TENM1: variants seen among roughly 807,000 people sequenced by gnomAD.
TENM1 encodes the protein teneurin transmembrane protein 1.
A neutral mutation model predicts 174.8 loss-of-function variants in TENM1; 35 were observed. The ratio of observed to expected loss-of-function variants is 0.20; its 90% CI spans 0.15 to 0.27. TENM1 has a LOEUF of 0.27. Among genes scored for constraint, TENM1 ranks in the 10% least tolerant of loss-of-function variants. TENM1 has a pLI of 1.00. For synonymous variants in TENM1, 781 were observed against 798.7 expected (o/e 0.98, Z 0.37); for missense variants, 1,633 against 2,130.1 (o/e 0.77, Z 4.59).
intron 1 of TENM1, among the ~76,000 whole-genome samples, chrX:124,918,327 G>A (rs1236971844): frequency 9.1e-6 from 1 of 110,039 alleles, no homozygotes; most frequent in Non-Finnish European, 1.9e-5. Flanking sequence ...CTACAGGCGC[G>A]TGCCACCACG....
the TENM1 span, among the ~76,000 whole-genome samples, chrX:125,065,024 T>C: frequency 1.8e-5 from 2 of 112,087 alleles, no homozygotes; most frequent in East Asian, 2.8e-4. Flanking sequence ...ACAGTAGAAA[T>C]TGAAAACAAG....
rs2060172390 is a variant in TENM1 at position 124,382,653 on chromosome X, A to T, written c.7440+17T>A. 8 of 1,201,719 alleles carry T rather than the reference A, an allele frequency of 6.7e-6. No homozygotes were observed. The highest frequency in any genetic ancestry group is 9.0e-6 in the Non-Finnish European group (8 of 890,752). On this transcript the variant is annotated intron_variant, in intron 31 of 31. Coordinates refer to ENST00000422452, the Ensembl canonical transcript of TENM1. ...CTGTTGTTTCAGCTAAAAGGAGGTG[A>T]TAAAACTTTTACTAACCTTTCCAGG...
At chrX:124,653,249 T>G (rs2051355874) in intron 7 of TENM1, among the ~76,000 whole-genome samples, 1 of 111,661 alleles carries the variant, frequency 9.0e-6, no homozygotes, top group Non-Finnish European at 1.9e-5. Context: ...GGGACACAGA[T>G]GTATGAAATC....
the TENM1 span, among the ~76,000 whole-genome samples, chrX:125,163,174 A>C: frequency 9.0e-6 from 1 of 111,350 alleles, no homozygotes; most frequent in Non-Finnish European, 1.9e-5. Context: ...ACAGAACTCA[A>C]TAGTAGCAGT....
At chrX:124,802,718 G>A (rs1180805510) in intron 3 of TENM1, among the ~76,000 whole-genome samples, 1 of 112,013 alleles carries the variant, frequency 8.9e-6, no homozygotes, top group Non-Finnish European at 1.9e-5. Flanking sequence ...GCCTCTGATT[G>A]CTGCTGGTTT....
At chrX:124,444,868 G>A (rs1403518254) in intron 23 of TENM1, among the ~76,000 whole-genome samples, 1 of 111,250 alleles carries the variant, frequency 9.0e-6, no homozygotes, top group Non-Finnish European at 1.9e-5. Context: ...AGGCATGAAA[G>A]AGTTGTTTTC....
the TENM1 span, among the ~76,000 whole-genome samples, chrX:125,172,332 T>C: frequency 9.2e-6 from 1 of 108,608 alleles, no homozygotes; most frequent in African/African-American, 3.4e-5. Context: ...CCCCCCCCCA[T>C]TTTAAACGAG....
At chrX:125,031,175 T>C in the TENM1 span, among the ~76,000 whole-genome samples, 3 of 110,688 alleles carry the variant, frequency 2.7e-5, no homozygotes, top group South Asian at 1.2e-3. Flanking sequence ...GAGTATCTGA[T>C]GTTTAGCTCC....
At chrX:124,644,849 A>G (rs1057367343) in intron 10 of TENM1, among the ~76,000 whole-genome samples, 1 of 111,530 alleles carries the variant, frequency 9.0e-6, no homozygotes, top group African/African-American at 3.3e-5. Context: ...AACACCTAAA[A>G]TCATCAATAT....
the TENM1 span, among the ~76,000 whole-genome samples, chrX:125,103,010 A>G: frequency 8.9e-6 from 1 of 112,247 alleles, no homozygotes; most frequent in African/African-American, 3.2e-5. Flanking sequence ...AGTATCCACG[A>G]TGAAAATCAT....
exon 10 of TENM1, chrX:124,645,161 C>T: frequency 8.3e-7 from 1 of 1,210,293 alleles, no homozygotes; most frequent in Non-Finnish European, 1.1e-6. Context: ...CATATTTCTC[C>T]TTTGTATCCT....
intron 1 of TENM1, among the ~76,000 whole-genome samples, chrX:124,934,409 T>C (rs965044518): frequency 1.8e-4 from 20 of 112,457 alleles, no homozygotes; most frequent in Non-Finnish European, 9.4e-5. Flanking sequence ...TAGGTCCTAC[T>C]ATACAATACT....
the TENM1 span, among the ~76,000 whole-genome samples, chrX:125,010,677 G>A: frequency 1.2e-4 from 13 of 108,994 alleles, no homozygotes; most frequent in South Asian, 3.3e-3. Context: ...AGCTGGGCGC[G>A]GTGGCGGGTG....
intron 10 of TENM1, among the ~76,000 whole-genome samples, chrX:124,643,117 T>C (rs771956467): frequency 4.5e-5 from 5 of 112,105 alleles, no homozygotes; most frequent in Admixed American, 9.5e-5. Flanking sequence ...CTAATTTGAT[T>C]CATGATTTGA....
the TENM1 span, among the ~76,000 whole-genome samples, chrX:125,042,872 G>T: frequency 9.0e-6 from 1 of 111,228 alleles, no homozygotes; most frequent in African/African-American, 3.3e-5. Flanking sequence ...CTGGATGGAT[G>T]ATAGGTGCCA....
intron 3 of TENM1, among the ~76,000 whole-genome samples, chrX:124,776,400 A>G (rs924668977): frequency 8.9e-6 from 1 of 112,193 alleles, no homozygotes; most frequent in African/African-American, 3.2e-5. Flanking sequence ...AGAATACTGG[A>G]TGATAATTAC....
At chrX:124,932,315 T>C (rs2058184707) in intron 1 of TENM1, among the ~76,000 whole-genome samples, 1 of 112,285 alleles carries the variant, frequency 8.9e-6, no homozygotes, top group Admixed American at 9.4e-5. Context: ...TTAAATGTAA[T>C]TCATGCATAG....
At chrX:124,558,305 G>A (rs2048737721) in intron 14 of TENM1, among the ~76,000 whole-genome samples, 1 of 111,527 alleles carries the variant, frequency 9.0e-6, no homozygotes, top group Non-Finnish European at 1.9e-5. Flanking sequence ...AAGCTGATTA[G>A]AATGCAAAAA....
intron 6 of TENM1, among the ~76,000 whole-genome samples, chrX:124,654,822 G>A (rs1034530177): frequency 2.7e-5 from 3 of 111,326 alleles, no homozygotes; most frequent in African/African-American, 6.5e-5. Flanking sequence ...TAGAGCAGAC[G>A]GACACAAGAA....
Sources: gnomAD v4.1 joint callset for allele counts (sites outside exome capture counted in the v4.1 genomes callset) on GRCh38, gnomAD v4.1.1 for gene constraint, MANE v1.5 for transcripts, NCBI Gene and HGNC (gene_info 2026-07-23, HGNC 2026-07-21) for gene names.